The following FAM149A variants were observed in gnomAD, a reference collection of about 807,000 sequenced individuals.
FAM149A encodes the protein family with sequence similarity 149 member A.
A neutral mutation model predicts 78.2 loss-of-function variants in FAM149A; 71 were observed. That is an observed-to-expected ratio of 0.91 (90% confidence interval 0.75 to 1.11). The LOEUF (loss-of-function observed/expected upper bound fraction) is 1.11. FAM149A is among the 50% of genes least tolerant of loss of function. The pLI, the probability that FAM149A is intolerant of heterozygous loss-of-function variation, is 0.00. For missense variants in FAM149A, 1,036 were observed against 971.0 expected (o/e 1.07, Z -0.89); for synonymous variants, 446 against 410.5 (o/e 1.09, Z -1.04).
chr4:186,108,617 A>C (rs1371806273), intron 1 of FAM149A, among the ~76,000 whole-genome samples: 1 of 152,122 alleles, frequency 6.6e-6, no homozygotes, highest in Admixed American at 6.5e-5. Context: ...TACTGACTGC[A>C]CATCTGAGCC....
intron 1 of FAM149A, among the ~76,000 whole-genome samples, chr4:186,115,469 C>T (rs956363261): frequency 7.7e-6 from 1 of 130,222 alleles, no homozygotes; most frequent in Non-Finnish European, 1.6e-5. Flanking sequence ...AGGAGAGGCG[C>T]TCTGCGTTTT....
At chr4:186,136,992 CTCTCTCTCTCTCTCTCTCTCTCTCTCTAA>C (rs1222699369) in intron 1 of FAM149A, among the ~76,000 whole-genome samples, 4 of 126,694 alleles carry the variant, frequency 3.2e-5, no homozygotes, top group East Asian at 2.7e-4. Context: ...CTCTCTCTCT[CTCTCTCTCTCTCTCTCTCTCTCTCTCTAA>C]GTGCTTAAAG....
At chr4:186,126,475 G>A (rs2099318369) in intron 1 of FAM149A, among the ~76,000 whole-genome samples, 1 of 152,278 alleles carries the variant, frequency 6.6e-6, no homozygotes, top group Middle Eastern at 3.4e-3. Context: ...ATGAGAGTGG[G>A]CATCATCTAA....
chr4:186,124,200 G>A (rs536169742), intron 1 of FAM149A: 1 of 985,390 alleles, frequency 1.0e-6, no homozygotes, highest in Admixed American at 6.1e-5. Context: ...CCTCCAGAGT[G>A]GAGGCAGAGG....
intron 1 of FAM149A, chr4:186,117,739 G>A (rs1343919523): frequency 1.1e-6 from 1 of 893,002 alleles, no homozygotes; most frequent in African/African-American, 1.8e-5. Context: ...AGAAGTGGCA[G>A]GAGCAGGCTG....
intron 1 of FAM149A, chr4:186,145,199 C>T: frequency 1.0e-6 from 1 of 961,242 alleles, no homozygotes; most frequent in Non-Finnish European, 1.2e-6. Flanking sequence ...CCGGCTGCGT[C>T]TGGCCCGGGC....
intron 1 of FAM149A, among the ~76,000 whole-genome samples, chr4:186,106,129 TC>T (rs552504323): frequency 6.6e-6 from 1 of 152,150 alleles, no homozygotes; most frequent in Non-Finnish European, 1.5e-5. Context: ...TTGTGTGACA[TC>T]TAGTTAATTT....
chr4:186,141,123 G>C (rs1007786010), intron 1 of FAM149A, among the ~76,000 whole-genome samples: 1 of 152,182 alleles, frequency 6.6e-6, no homozygotes, highest in Non-Finnish European at 1.5e-5. Context: ...TTATGTGATT[G>C]TTGGCCACAT....
Position 186,173,838 on chromosome 4 carries a change from T to A in FAM149A, c.*1851T>A, listed in dbSNP as rs1735646588. On this transcript the variant is annotated 3_prime_UTR_variant, in exon 14 of 14. Transcript: ENST00000389354. The stretch of plus-strand genomic sequence containing the variant: ...CATTTTTGAGAATTTTCTACATTAT[T>A]CCTAAACATTAGCAATAGAAACTTT... Among the ~76,000 whole-genome samples the A allele has an allele frequency of 8.9e-6, 1 of 112,340 alleles. No homozygotes were observed. Among genetic ancestry groups the A allele is most frequent in the Non-Finnish European group, 2.2e-5 (1 of 44,498 alleles). 73.7% of individuals were successfully genotyped at this position (112,340 alleles called of 152,430 possible). A position where few individuals can be genotyped will look rare whatever the true frequency, so the allele number is the denominator to read the frequency against.
At chr4:186,117,994 T>C (rs549905472) in intron 1 of FAM149A, 10 of 985,318 alleles carry the variant, frequency 1.0e-5, no homozygotes, top group East Asian at 2.3e-4. Flanking sequence ...GGGTTTGTCA[T>C]GCAGATGAGG....
intron 1 of FAM149A, chr4:186,125,501 C>CAGCA (rs2099317932): frequency 2.8e-6 from 1 of 362,292 alleles, no homozygotes; most frequent in Non-Finnish European, 3.8e-6. Context: ...GTCAGCCAGC[C>CAGCA]AGCAATCAGT....
chr4:186,168,479 C>G (rs1189867040), intron 13 of FAM149A, among the ~76,000 whole-genome samples: 1 of 152,198 alleles, frequency 6.6e-6, no homozygotes, highest in Non-Finnish European at 1.5e-5. Flanking sequence ...CCACAGCCCC[C>G]CAAGTAGCTG....
At chr4:186,111,343 G>A (rs2099311204) in intron 1 of FAM149A, among the ~76,000 whole-genome samples, 1 of 151,924 alleles carries the variant, frequency 6.6e-6, no homozygotes, top group Non-Finnish European at 1.5e-5. Context: ...CATTTTGTAG[G>A]TTGCCTGTTC....
intron 4 of FAM149A, chr4:186,153,363 C>A: frequency 2.1e-6 from 2 of 957,850 alleles, no homozygotes; most frequent in Non-Finnish European, 2.5e-6. Flanking sequence ...ATCTCTAAGC[C>A]ATTCATCAGC....
In FAM149A at chr4:186,167,184, T is replaced by A. The variant is rs1735117451; in HGVS notation, c.2140T>A (p.Ser714Thr). ...CCTGATTTTATTTTTCTTCCAGCAG[T>A]CGGATACGCCTCGAAAAAGTTCATT... The change falls in exon 13 of 14, where the codon TCG (serine) becomes ACG (threonine). Residue 714 changes from serine to threonine, a missense_variant and splice_region_variant. This residue lies in a region of FAM149A where 716 missense variants were observed against 711.8 expected (regional missense o/e 1.01). Coordinates refer to ENST00000389354, the MANE Select transcript of FAM149A (RefSeq NM_001367768.3). The A allele has an allele frequency of 1.2e-6, 2 of 1,609,550 alleles. No individual in the cohort carries two copies. The highest frequency in any genetic ancestry group is 1.7e-6 in the Non-Finnish European group (2 of 1,176,068).
chr4:186,126,995 AATTTTGT>A (rs1042843516), intron 1 of FAM149A: 2 of 985,278 alleles, frequency 2.0e-6, no homozygotes, highest in African/African-American at 3.5e-5. Flanking sequence ...AATGGAATGG[AATTTTGT>A]AATGGTAGAG....
At position 186,104,960 on chromosome 4, in the gene FAM149A, C is replaced by T; in HGVS notation, c.-117C>T. 8.5e-7 allele frequency: 1 copy of T among 1,175,996 alleles called. No homozygotes were observed. 72.8% of individuals were successfully genotyped at this position (1,175,996 alleles called of 1,614,324 possible). ...GGGGAGGAGAGGGAGCCAGGGGCCT[C>T]CGGGGCTCCGGGTGCGGGGACCTCA... is the stretch of plus-strand genomic sequence containing the variant. On this transcript the variant is annotated 5_prime_UTR_variant, in exon 1 of 14. Coordinates refer to ENST00000389354, the MANE Select transcript of FAM149A (RefSeq NM_001367768.3).
chr4:186,112,178 C>A (rs1356708024), intron 1 of FAM149A, among the ~76,000 whole-genome samples: 1 of 148,868 alleles, frequency 6.7e-6, no homozygotes, highest in South Asian at 2.2e-4. Context: ...GGAGTTCACT[C>A]ATGATTTGGC....
chr4:186,119,975 T>C (rs1579789985), intron 1 of FAM149A, among the ~76,000 whole-genome samples: 1 of 152,192 alleles, frequency 6.6e-6, no homozygotes, highest in East Asian at 1.9e-4. Flanking sequence ...ACAGTTTGAA[T>C]ATATGAAGCG....
Sources: gnomAD v4.1 joint callset for allele counts (sites outside exome capture counted in the v4.1 genomes callset) on GRCh38, gnomAD v4.1.1 for gene constraint, gnomAD v4.1.1 regional missense constraint, MANE v1.5 for transcripts, NCBI Gene and HGNC (gene_info 2026-07-23, HGNC 2026-07-21) for gene names.